Variants in TAF4B observed in about 807,000 individuals in gnomAD.
TAF4B encodes TATA-box binding protein associated factor 4b, also known as transcription initiation factor TFIID subunit 4B.
A neutral mutation model predicts 86.4 loss-of-function variants in TAF4B; 38 were observed. That is an observed-to-expected ratio of 0.44 (90% CI 0.34 to 0.58). The LOEUF is 0.58. Among genes scored for constraint, TAF4B ranks in the 20% least tolerant of loss-of-function variants. TAF4B has a pLI of 0.02. For synonymous variants in TAF4B, 388 were observed against 391.2 expected (o/e 0.99, Z 0.10); for missense variants, 988 against 1,027.6 (o/e 0.96, Z 0.53).
At chr18:26,330,663 T>C (rs964106829) in intron 12 of TAF4B, among the ~76,000 whole-genome samples, 1 of 152,170 alleles carries the variant, frequency 6.6e-6, no homozygotes, top group Non-Finnish European at 1.5e-5. Context: ...CTGTAACTAT[T>C]TCTATATCTG....
At chr18:26,289,979 C>T (rs932937767) in intron 7 of TAF4B, among the ~76,000 whole-genome samples, 9 of 151,654 alleles carry the variant, frequency 5.9e-5, no homozygotes, top group African/African-American at 2.2e-4. Flanking sequence ...TTTTGTGTAC[C>T]CATCAAAAAT....
intron 13 of TAF4B, among the ~76,000 whole-genome samples, chr18:26,346,899 ATG>A (rs1187552519): frequency 0.02 from 195 of 9,960 alleles, 54 homozygotes; most frequent in South Asian, 0.077. Flanking sequence ...ATATATATAT[ATG>A]TGTGTGTATA....
At chr18:26,307,621 G>C (rs565673685) in intron 9 of TAF4B, among the ~76,000 whole-genome samples, 3 of 152,094 alleles carry the variant, frequency 2.0e-5, no homozygotes, top group African/African-American at 7.2e-5. Context: ...TAACAACTAG[G>C]GGTTTTAGTG....
chr18:26,310,180 C>T (rs1191953563), intron 9 of TAF4B, among the ~76,000 whole-genome samples: 1 of 152,120 alleles, frequency 6.6e-6, no homozygotes, highest in Non-Finnish European at 1.5e-5. Flanking sequence ...AGAATCAGTA[C>T]TCTTAATTTT....
At chr18:26,306,763 GTTATTTAT>G (rs78568667) in intron 9 of TAF4B, among the ~76,000 whole-genome samples, 6 of 151,108 alleles carry the variant, frequency 4.0e-5, no homozygotes, top group East Asian at 3.9e-4. Flanking sequence ...CATCACTTCA[GTTATTTAT>G]TTATTTATTT....
intron 12 of TAF4B, among the ~76,000 whole-genome samples, chr18:26,328,601 G>C (rs536715767): frequency 6.6e-6 from 1 of 152,020 alleles, no homozygotes. Context: ...TACTGCATTT[G>C]CTTCATCTCT....
chr18:26,256,486 GT>G, intron 1 of TAF4B: 2 of 615,094 alleles, frequency 3.3e-6, no homozygotes. Context: ...ATTTTTCTCA[GT>G]TGTTTTTCTA....
chr18:26,275,842 C>G (rs1175907490), intron 5 of TAF4B, among the ~76,000 whole-genome samples: 1 of 151,802 alleles, frequency 6.6e-6, no homozygotes, highest in Non-Finnish European at 1.5e-5. Context: ...ATGGTGAAAT[C>G]TCTTCTCTAC....
chr18:26,258,925 T>C (rs147238723), intron 1 of TAF4B, among the ~76,000 whole-genome samples: 1 of 151,988 alleles, frequency 6.6e-6, no homozygotes, highest in Non-Finnish European at 1.5e-5. Flanking sequence ...TCTCAAACTC[T>C]TGGACTTAAG....
chr18:26,343,440 G>A (rs990333328), intron 13 of TAF4B, among the ~76,000 whole-genome samples: 1 of 152,154 alleles, frequency 6.6e-6, no homozygotes, highest in Non-Finnish European at 1.5e-5. Context: ...ATCCCAGATT[G>A]ACCACTGGGG....
At chr18:26,292,133 G>A in intron 7 of TAF4B, 113 bp from the exon 8 acceptor site, 1 of 1,212,088 alleles carries the variant, frequency 8.3e-7, no homozygotes, top group Non-Finnish European at 1.1e-6. Flanking sequence ...TTCTTGTTAA[G>A]ATAAAGGTAT....
At chr18:26,237,328 G>T (rs1165738190) in intron 1 of TAF4B, among the ~76,000 whole-genome samples, 1 of 152,194 alleles carries the variant, frequency 6.6e-6, no homozygotes, top group Admixed American at 6.5e-5. Context: ...GTTTGCCCTA[G>T]ACCCTGTAGG....
intron 14 of TAF4B, among the ~76,000 whole-genome samples, chr18:26,386,669 C>A (rs537957623): frequency 6.6e-5 from 10 of 152,110 alleles, no homozygotes; most frequent in Non-Finnish European, 1.2e-4. Flanking sequence ...AGTATGAATT[C>A]CTTTGTGTCT....
At chr18:26,329,974 T>A (rs2057038148) in intron 12 of TAF4B, among the ~76,000 whole-genome samples, 1 of 152,120 alleles carries the variant, frequency 6.6e-6, no homozygotes, top group South Asian at 2.1e-4. Flanking sequence ...CTGGATAAAT[T>A]TTTTAATTTT....
Position 26,321,165 on chromosome 18 carries a change from A to T in TAF4B, c.2098A>T (p.Thr700Ser), listed in dbSNP as rs376348111. The change falls in exon 11 of 15, where the codon ACT becomes TCT. Residue 700 changes from threonine (T) to serine (S), a missense_variant. This residue lies in a region of TAF4B where 216 missense variants were observed against 238.4 expected (regional missense o/e 0.91). Transcript: ENST00000269142. ...ACTACGAGGCCTTCTAGAAAAACTG[A>T]CTGCAATTGCTCAGCATCGAATGAC... ...ERLRGLLEKLTAIAQHRMTTY... is the reference protein window; with the variant it reads ...ERLRGLLEKLSAIAQHRMTTY... 9 of 1,613,874 alleles carry T rather than the reference A, an allele frequency of 5.6e-6. No individual in the cohort carries two copies. Among genetic ancestry groups the T allele is most frequent in the South Asian group, 3.3e-5 (3 of 91,078 alleles).
intron 10 of TAF4B, among the ~76,000 whole-genome samples, chr18:26,318,356 C>CT (rs367762394): frequency 0.13 from 18,387 of 144,356 alleles, 1,181 homozygotes; most frequent in African/African-American, 0.18. Context: ...ATTAGCTAAG[C>CT]TTTTTTTTTT....
chr18:26,328,299 A>G (rs2053784422), intron 12 of TAF4B, among the ~76,000 whole-genome samples: 1 of 152,094 alleles, frequency 6.6e-6, no homozygotes, highest in Non-Finnish European at 1.5e-5. Flanking sequence ...AAATACAAAT[A>G]TTAGCCGGGT....
intron 9 of TAF4B, among the ~76,000 whole-genome samples, chr18:26,311,479 A>T (rs1262692681): frequency 6.6e-6 from 1 of 152,144 alleles, no homozygotes; most frequent in Non-Finnish European, 1.5e-5. Flanking sequence ...TACTAAAAAA[A>T]ATACAAAAAT....
chr18:26,349,382 C>T (rs2057226173), intron 13 of TAF4B, among the ~76,000 whole-genome samples: 1 of 152,006 alleles, frequency 6.6e-6, no homozygotes, highest in African/African-American at 2.4e-5. Context: ...CAGTAGTATT[C>T]CTTACCTAAT....
Sources: gnomAD v4.1 joint callset for allele counts (sites outside exome capture counted in the v4.1 genomes callset) on GRCh38, gnomAD v4.1.1 for gene constraint, gnomAD v4.1.1 regional missense constraint, MANE v1.5 for transcripts, NCBI Gene and HGNC (gene_info 2026-07-23, HGNC 2026-07-21) for gene names.